The following RAP1A variants were observed in gnomAD, a reference collection of about 807,000 sequenced individuals.
RAP1A encodes the protein ras-related protein Rap-1A.
RAP1A carries 6 observed loss-of-function variants against 26.4 expected under a neutral mutation model. The observed-to-expected ratio is 0.23, with a 90% CI of 0.12 to 0.45. RAP1A has a LOEUF of 0.45. Among genes scored for constraint, RAP1A ranks in the 20% least tolerant of loss-of-function variants. RAP1A has a pLI of 0.99. For missense variants in RAP1A, 121 were observed against 217.2 expected, an observed-to-expected ratio of 0.56 and a Z score of 2.78; for synonymous variants, 73 against 79.4, an observed-to-expected ratio of 0.92 and a Z score of 0.43.
intron 1 of RAP1A, among the ~76,000 whole-genome samples, chr1:111,672,788 T>A (rs1393316414): frequency 6.6e-6 from 1 of 152,224 alleles, no homozygotes; most frequent in Non-Finnish European, 1.5e-5. Flanking sequence ...ACAAGTTTTT[T>A]AGGATTTTGT....
intron 1 of RAP1A, among the ~76,000 whole-genome samples, chr1:111,636,380 A>G (rs993438237): frequency 6.6e-6 from 1 of 152,112 alleles, no homozygotes; most frequent in African/African-American, 2.4e-5. Context: ...TAGCAATTCA[A>G]TTCATGAGTG....
intron 1 of RAP1A, among the ~76,000 whole-genome samples, chr1:111,560,226 G>A (rs1479293915): frequency 1.3e-5 from 2 of 152,082 alleles, no homozygotes; most frequent in African/African-American, 4.8e-5. Context: ...GCCCAACCTC[G>A]TCTTACAATC....
chr1:111,680,453 T>C (rs1360063795), intron 1 of RAP1A, among the ~76,000 whole-genome samples: 2 of 152,168 alleles, frequency 1.3e-5, no homozygotes, highest in Non-Finnish European at 2.9e-5. Flanking sequence ...AGAGTGCTGA[T>C]TGGTGCATTT....
chr1:111,625,329 T>G (rs190794436), intron 1 of RAP1A, among the ~76,000 whole-genome samples: 17 of 152,256 alleles, frequency 1.1e-4, no homozygotes, highest in South Asian at 2.1e-4. Flanking sequence ...TTTTCTTTTT[T>G]TTTTGTTTTG....
intron 1 of RAP1A, among the ~76,000 whole-genome samples, chr1:111,596,123 TAA>T (rs891648781): frequency 3.9e-5 from 6 of 152,202 alleles, no homozygotes; most frequent in African/African-American, 1.2e-4. Flanking sequence ...AGTGCAATTT[TAA>T]AAAAGAGTTA....
At chr1:111,639,428 G>A (rs1281973989) in intron 1 of RAP1A, among the ~76,000 whole-genome samples, 1 of 134,588 alleles carries the variant, frequency 7.4e-6, no homozygotes, top group Non-Finnish European at 1.7e-5. Context: ...TTTTAAAGTA[G>A]AAATGTGTTT....
chr1:111,688,822 G>GTTTTTTTTTTTTTTTTT (rs767753356), intron 1 of RAP1A, among the ~76,000 whole-genome samples: 1 of 90,060 alleles, frequency 1.1e-5, no homozygotes, highest in Non-Finnish European at 2.3e-5. Flanking sequence ...TTTTTTTTTT[G>GTTTTTTTTTTTTTTTTT]TTTTTTTTTT....
chr1:111,689,214 A>G (rs920347164), intron 1 of RAP1A, among the ~76,000 whole-genome samples: 3 of 151,798 alleles, frequency 2.0e-5, no homozygotes, highest in Non-Finnish European at 4.4e-5. Flanking sequence ...TTACATATAT[A>G]TTATACTGCT....
rs556287200 is a variant in RAP1A at position 111,578,607 on chromosome 1, G to A, written c.-28+36098G>A. Among the ~76,000 whole-genome samples the A allele has an allele frequency of 5.9e-5, 9 of 152,092 alleles. No individual in the cohort carries two copies. In the South Asian group the frequency reaches 8.3e-4, roughly 14 times the overall value. On this transcript the variant is annotated intron_variant, in intron 1 of 7. Transcript: ENST00000356415. Reference sequence around the variant, plus strand: ...ACAGAGTGTAAAAGGAAAAAAAAAGGTTTTTTCCTACTCTCTCTGCTCCCT... The same window carrying A: ...ACAGAGTGTAAAAGGAAAAAAAAAGATTTTTTCCTACTCTCTCTGCTCCCT...
intron 1 of RAP1A, among the ~76,000 whole-genome samples, chr1:111,594,499 A>G (rs1658525707): frequency 9.6e-6 from 1 of 104,022 alleles, no homozygotes; most frequent in Admixed American, 9.4e-5. Context: ...AAGGAAGGAC[A>G]GATGGAAGGA....
chr1:111,588,231 C>A (rs1658415766), intron 1 of RAP1A, among the ~76,000 whole-genome samples: 1 of 152,164 alleles, frequency 6.6e-6, no homozygotes, highest in Non-Finnish European at 1.5e-5. Flanking sequence ...GCTTTTAGAG[C>A]CTGTAAGCCA....
intron 1 of RAP1A, among the ~76,000 whole-genome samples, chr1:111,556,706 A>C (rs897484443): frequency 2.6e-5 from 4 of 152,256 alleles, no homozygotes; most frequent in Admixed American, 6.5e-5. Context: ...ATTGGGATAG[A>C]AAGTATAATG....
chr1:111,619,036 T>A (rs972671522), upstream of RAP1A, among the ~76,000 whole-genome samples: 3 of 152,218 alleles, frequency 2.0e-5, no homozygotes, highest in Non-Finnish European at 2.9e-5. Flanking sequence ...CCTGTTATAA[T>A]GGCCCACAGG....
chr1:111,693,850 ACT>A (rs1321027101), intron 2 of RAP1A, among the ~76,000 whole-genome samples: 3 of 149,346 alleles, frequency 2.0e-5, no homozygotes, highest in Admixed American at 6.7e-5. Context: ...ATATTTTGAG[ACT>A]CTCTGCTCTA....
At chr1:111,556,497 C>T (rs1271439546) in intron 1 of RAP1A, among the ~76,000 whole-genome samples, 1 of 152,204 alleles carries the variant, frequency 6.6e-6, no homozygotes, top group East Asian at 1.9e-4. Context: ...GTGGAGGCAA[C>T]CCAAATGTGT....
At chr1:111,594,903 T>G (rs1001907590) in intron 1 of RAP1A, among the ~76,000 whole-genome samples, 2 of 152,224 alleles carry the variant, frequency 1.3e-5, no homozygotes, top group Admixed American at 1.3e-4. Context: ...ATATTAGCCA[T>G]AGTTCCAACC....
At chr1:111,587,171 A>G (rs762308690) in intron 1 of RAP1A, among the ~76,000 whole-genome samples, 2 of 152,118 alleles carry the variant, frequency 1.3e-5, no homozygotes, top group Admixed American at 6.6e-5. Flanking sequence ...AGGTGGCTAC[A>G]AGCAATTATA....
chr1:111,557,332 A>C (rs1455405467), intron 1 of RAP1A, among the ~76,000 whole-genome samples: 1 of 152,132 alleles, frequency 6.6e-6, no homozygotes, highest in African/African-American at 2.4e-5. Flanking sequence ...GCAGATCACG[A>C]GGTGAGGAGA....
intron 1 of RAP1A, among the ~76,000 whole-genome samples, chr1:111,687,457 C>T (rs1434039747): frequency 6.6e-6 from 1 of 152,180 alleles, no homozygotes; most frequent in Admixed American, 6.5e-5. Flanking sequence ...ATCCACCCAC[C>T]TCAGCCTCAC....
Sources: gnomAD v4.1 joint callset for allele counts (sites outside exome capture counted in the v4.1 genomes callset) on GRCh38, gnomAD v4.1.1 for gene constraint, MANE v1.5 for transcripts, NCBI Gene and HGNC (gene_info 2026-07-23, HGNC 2026-07-21) for gene names.